Variants in EXOC6B observed in about 807,000 individuals in gnomAD.
EXOC6B encodes exocyst complex component 6B.
Under a neutral mutation model 113.5 loss-of-function variants are expected in EXOC6B, and 54 were observed. The observed-to-expected ratio is 0.48, with a 90% CI of 0.38 to 0.60. The LOEUF is 0.60. Among genes scored for constraint, EXOC6B ranks in the 20% least tolerant of loss-of-function variants. EXOC6B has a pLI of 0.00. For synonymous variants in EXOC6B, 357 were observed against 339.0 expected (o/e 1.05, Z -0.58); for missense variants, 797 against 977.5 (o/e 0.82, Z 2.46).
chr2:72,472,673 A>T (rs1348007975), intron 17 of EXOC6B, among the ~76,000 whole-genome samples: 1 of 151,700 alleles, frequency 6.6e-6, no homozygotes, highest in Non-Finnish European at 1.5e-5. Context: ...TCATCTTTTC[A>T]TATTTTTCTT....
At chr2:72,510,827 A>T (rs1700852138) in intron 11 of EXOC6B, among the ~76,000 whole-genome samples, 1 of 151,990 alleles carries the variant, frequency 6.6e-6, no homozygotes, top group South Asian at 2.1e-4. Context: ...TCCGAAGACA[A>T]TGGGTGCACT....
intron 20 of EXOC6B, among the ~76,000 whole-genome samples, chr2:72,266,422 A>G (rs1168147858): frequency 6.0e-5 from 9 of 150,530 alleles, no homozygotes; most frequent in Non-Finnish European, 8.9e-5. Flanking sequence ...ATCTTGAATT[A>G]ATTTTTGTAT....
At chr2:72,649,383 A>G (rs1226799389) in intron 6 of EXOC6B, among the ~76,000 whole-genome samples, 1 of 152,194 alleles carries the variant, frequency 6.6e-6, no homozygotes, top group African/African-American at 2.4e-5. Flanking sequence ...CACAAAAAGC[A>G]AATGCTTGAG....
intron 1 of EXOC6B, among the ~76,000 whole-genome samples, chr2:72,793,871 A>G (rs1398802620): frequency 1.3e-5 from 2 of 152,182 alleles, no homozygotes; most frequent in Non-Finnish European, 1.5e-5. Flanking sequence ...GAAGTATGAC[A>G]TGGGCAAAAA....
At chr2:72,528,801 A>G (rs754194897) in intron 8 of EXOC6B, among the ~76,000 whole-genome samples, 39 of 152,082 alleles carry the variant, frequency 2.6e-4, no homozygotes, top group Non-Finnish European at 1.6e-4. Flanking sequence ...AATCATAAAT[A>G]ATATTATATT....
At chr2:72,294,160 T>A (rs1050970630) in intron 20 of EXOC6B, among the ~76,000 whole-genome samples, 1 of 150,230 alleles carries the variant, frequency 6.7e-6, no homozygotes, top group Non-Finnish European at 1.5e-5. Flanking sequence ...ACAACAGATA[T>A]AAAGTACAAG....
chr2:72,455,008 G>A (rs1331908867), intron 18 of EXOC6B, among the ~76,000 whole-genome samples: 1 of 151,818 alleles, frequency 6.6e-6, no homozygotes, highest in East Asian at 1.9e-4. Context: ...TCAATCTCTT[G>A]ATAGGCAGAA....
chr2:72,305,730 A>G (rs1205587209), intron 20 of EXOC6B, among the ~76,000 whole-genome samples: 1 of 151,604 alleles, frequency 6.6e-6, no homozygotes, highest in Non-Finnish European at 1.5e-5. Context: ...ACTCTAATGT[A>G]CTGTACCAAA....
intron 6 of EXOC6B, among the ~76,000 whole-genome samples, chr2:72,629,175 C>T (rs1208551942): frequency 6.6e-6 from 1 of 152,188 alleles, no homozygotes; most frequent in African/African-American, 2.4e-5. Context: ...CACTTATATT[C>T]CCTTGAACTG....
chr2:72,721,364 TAAAAAA>T (rs11408155), intron 5 of EXOC6B, among the ~76,000 whole-genome samples: 1 of 28,502 alleles, frequency 3.5e-5, no homozygotes, highest in Non-Finnish European at 6.0e-5. Flanking sequence ...GTTGTTTTTG[TAAAAAA>T]AAAAAAAAAA....
intron 20 of EXOC6B, among the ~76,000 whole-genome samples, chr2:72,258,361 C>A (rs369820153): frequency 2.4e-5 from 3 of 124,838 alleles, no homozygotes; most frequent in African/African-American, 9.1e-5. Context: ...TTATCTTTTT[C>A]TTTTTTTTTT....
At chr2:72,226,860 C>A (rs889116217) in intron 20 of EXOC6B, among the ~76,000 whole-genome samples, 4 of 152,142 alleles carry the variant, frequency 2.6e-5, no homozygotes, top group African/African-American at 9.7e-5. Flanking sequence ...TATTTGACAT[C>A]TCTGTCAGTC....
chr2:72,566,467 T>C (rs900290231), intron 7 of EXOC6B, among the ~76,000 whole-genome samples: 2 of 152,168 alleles, frequency 1.3e-5, no homozygotes, highest in Admixed American at 1.3e-4. Flanking sequence ...TTTGGTACTA[T>C]ATGCACAAAG....
chr2:72,339,327 C>T (rs1688890751), intron 19 of EXOC6B, among the ~76,000 whole-genome samples: 1 of 152,068 alleles, frequency 6.6e-6, no homozygotes, highest in Non-Finnish European at 1.5e-5. Flanking sequence ...AATGGAAATT[C>T]GCTTTGTGGA....
chr2:72,321,258 A>C (rs1467074673), intron 20 of EXOC6B, among the ~76,000 whole-genome samples: 1 of 152,166 alleles, frequency 6.6e-6, no homozygotes, highest in Non-Finnish European at 1.5e-5. Flanking sequence ...ACCTGTACAC[A>C]AATGTTTATT....
chr2:72,513,227 A>C lies in EXOC6B; in HGVS notation c.1072T>G (p.Leu358Val). Reference sequence around the variant, plus strand: ...TTTACTAAGCCCTGGGTTGTATGTAAAATGTGATCTTCAACCACAAAAAAG... The same window carrying C: ...TTTACTAAGCCCTGGGTTGTATGTACAATGTGATCTTCAACCACAAAAAAG... ...VGFFVVEDHILHTTQGLVNRA... is the reference protein window; with the variant it reads ...VGFFVVEDHIVHTTQGLVNRA... The change falls in exon 11 of 22, where the codon TTA (leucine) becomes GTA (valine). Residue 358 changes from leucine to valine, a missense_variant. Physicochemically the swap from Leu to Val is conservative, Grantham distance 32. Coordinates refer to ENST00000272427, the MANE Select transcript of EXOC6B (RefSeq NM_015189.3). The C allele has an allele frequency of 6.2e-7, 1 of 1,612,986 alleles. No individual in the cohort carries two copies. The highest frequency in any genetic ancestry group is 8.5e-7 in the Non-Finnish European group (1 of 1,179,258).
chr2:72,203,456 T>C (rs1679620738), intron 20 of EXOC6B, among the ~76,000 whole-genome samples: 1 of 152,210 alleles, frequency 6.6e-6, no homozygotes, highest in South Asian at 2.1e-4. Context: ...AATTTCTATT[T>C]GCTGGTCACA....
intron 13 of EXOC6B, 68 bp downstream of exon 13, chr2:72,498,386 G>C (rs1358789092): frequency 1.9e-6 from 2 of 1,062,016 alleles, no homozygotes; most frequent in East Asian, 5.1e-5. Flanking sequence ...AAACCTTTGC[G>C]CATAAATACA....
At chr2:72,443,151 C>T (rs765627637) in intron 18 of EXOC6B, among the ~76,000 whole-genome samples, 7 of 151,732 alleles carry the variant, frequency 4.6e-5, no homozygotes, top group Non-Finnish European at 8.8e-5. Context: ...ATGATGAAAC[C>T]CCATCTCTAC....
Sources: gnomAD v4.1 joint callset for allele counts (sites outside exome capture counted in the v4.1 genomes callset) on GRCh38, gnomAD v4.1.1 for gene constraint, MANE v1.5 for transcripts, NCBI Gene and HGNC (gene_info 2026-07-23, HGNC 2026-07-21) for gene names.